Variants in RIMS1 observed in about 807,000 individuals in gnomAD.
RIMS1 encodes the protein regulating synaptic membrane exocytosis protein 1.
A neutral mutation model predicts 214.1 loss-of-function variants in RIMS1; 83 were observed. The ratio of observed to expected loss-of-function variants is 0.39; its 90% CI spans 0.32 to 0.47. The LOEUF (loss-of-function observed/expected upper bound fraction) is 0.47, where lower values mean the gene tolerates loss of function less well. Among genes scored for constraint, RIMS1 ranks in the 20% least tolerant of loss-of-function variants. RIMS1 has a pLI of 0.99. For missense variants in RIMS1, 2,050 were observed against 2,161.8 expected, an observed-to-expected ratio of 0.95 and a Z score of 1.03; for synonymous variants, 793 against 786.8, an observed-to-expected ratio of 1.01 and a Z score of -0.13.
At chr6:72,251,436 T>C (rs1377735107) in intron 15 of RIMS1, 68 bp downstream of exon 15, 1 of 1,219,690 alleles carries the variant, frequency 8.2e-7, no homozygotes, top group Non-Finnish European at 1.1e-6. Flanking sequence ...TGATTAATAA[T>C]TCAAGATGTT....
rs9442761 is a variant in RIMS1 at position 72,259,185 on chromosome 6, A to T, written c.3053+74A>T. On this transcript the variant is annotated intron_variant, in intron 18 of 33. Transcript: ENST00000521978. ...TTAATATATACAGATATTGTGGCAT[A>T]GCACATTAGAGAGTAAAAGTATTTA... 4.1e-3 allele frequency: 5,014 copies of T among 1,229,612 alleles called. 182 individuals are homozygous for T. In the African/African-American group the frequency reaches 0.068, roughly 17 times the overall value. The allele number at this position is 1,229,612 out of a possible 1,614,324, so 76.2% of individuals were successfully genotyped here. A position where few individuals can be genotyped will look rare whatever the true frequency, so the allele number is the denominator to read the frequency against.
At chr6:72,028,276 TAAG>T (rs1286555908) in intron 2 of RIMS1, among the ~76,000 whole-genome samples, 1 of 152,194 alleles carries the variant, frequency 6.6e-6, no homozygotes, top group Non-Finnish European at 1.5e-5. Flanking sequence ...GAATATCTCA[TAAG>T]AAATAAATAT....
At chr6:72,142,523 G>A (rs1378945058) in intron 4 of RIMS1, among the ~76,000 whole-genome samples, 1 of 151,984 alleles carries the variant, frequency 6.6e-6, no homozygotes, top group Non-Finnish European at 1.5e-5. Context: ...ATCTATCAGA[G>A]CTACCCCAGA....
chr6:72,174,540 G>T (rs2047455055), intron 4 of RIMS1, among the ~76,000 whole-genome samples: 1 of 151,954 alleles, frequency 6.6e-6, no homozygotes, highest in Non-Finnish European at 1.5e-5. Flanking sequence ...CCATAAATAT[G>T]AAAAAAAGTT....
At position 72,200,624 on chromosome 6, in the gene RIMS1, T is replaced by C. The variant is rs553787832; in HGVS notation, c.1678+17475T>C. 1.4e-4 allele frequency among the ~76,000 whole-genome samples: 22 copies of C among 152,296 alleles called. 3 individuals are homozygous for C. Among genetic ancestry groups the C allele is most frequent in the Admixed American group, 1.2e-3 (19 of 15,298 alleles). On this transcript the variant is annotated intron_variant, in intron 6 of 33. Coordinates refer to ENST00000521978, the MANE Select transcript of RIMS1 (RefSeq NM_014989.7). ...GTCTTATGAAGGATAGAGATGAGAATAGGCATAAAACAGAAGAGAGACTAC... is the reference window on the plus strand; with the variant it reads ...GTCTTATGAAGGATAGAGATGAGAACAGGCATAAAACAGAAGAGAGACTAC...
intron 1 of RIMS1, among the ~76,000 whole-genome samples, chr6:71,941,370 C>T (rs1446808969): frequency 6.6e-6 from 1 of 152,170 alleles, no homozygotes; most frequent in Non-Finnish European, 1.5e-5. Flanking sequence ...AAGTGGCAAT[C>T]ATAATTGGAA....
chr6:71,925,616 A>G (rs1277870371), intron 1 of RIMS1, among the ~76,000 whole-genome samples: 1 of 152,226 alleles, frequency 6.6e-6, no homozygotes, highest in Non-Finnish European at 1.5e-5. Context: ...ATTTCTAACC[A>G]CCATGTTGGT....
intron 6 of RIMS1, among the ~76,000 whole-genome samples, chr6:72,223,763 C>T (rs561098321): frequency 1.3e-5 from 2 of 151,668 alleles, no homozygotes; most frequent in African/African-American, 4.8e-5. Context: ...CTGGCTAACA[C>T]GGTGAAACTC....
At chr6:72,217,324 T>A in intron 6 of RIMS1, 1 of 1,270,428 alleles carries the variant, frequency 7.9e-7, no homozygotes, top group South Asian at 1.4e-5. Flanking sequence ...AGTAAGATAC[T>A]AAAATGTTTC....
In RIMS1 at chr6:71,931,848, T is replaced by C. The variant is rs935795524; in HGVS notation, c.165-37135T>C. Reference sequence around the variant, plus strand: ...TGCCTATGTCCCGGAATGGTATACATGCAGCCAGCAATTGTATTAAAAAAA... The same window carrying C: ...TGCCTATGTCCCGGAATGGTATACACGCAGCCAGCAATTGTATTAAAAAAA... On this transcript the variant is annotated intron_variant, in intron 1 of 33. Coordinates refer to ENST00000521978, the MANE Select transcript of RIMS1 (RefSeq NM_014989.7). Among the ~76,000 whole-genome samples, 48 of 152,096 alleles carry C rather than the reference T, an allele frequency of 3.2e-4. No homozygotes were observed. In the East Asian group the frequency reaches 4.8e-3, roughly 15 times the overall value.
intron 1 of RIMS1, 54 bp from the exon 2 acceptor site, chr6:71,968,929 G>T (rs1795132773): frequency 1.3e-6 from 2 of 1,491,946 alleles, no homozygotes; most frequent in East Asian, 4.5e-5. Flanking sequence ...TTCTAGATGT[G>T]TTCTACCCTT....
chr6:72,260,873 A>C (rs1417768640), intron 19 of RIMS1, 106 bp downstream of exon 19: 1 of 1,540,042 alleles, frequency 6.5e-7, no homozygotes, highest in Non-Finnish European at 8.8e-7. Context: ...AAGTCAAATA[A>C]ATTTCCCAAG....
intron 1 of RIMS1, among the ~76,000 whole-genome samples, chr6:71,966,176 A>G (rs1794390613): frequency 6.6e-6 from 1 of 152,218 alleles, no homozygotes; most frequent in Non-Finnish European, 1.5e-5. Context: ...ACCTGAAACA[A>G]TTAGTTTCCT....
chr6:72,029,270 TAA>T (rs1348120389), intron 2 of RIMS1, among the ~76,000 whole-genome samples: 2 of 152,232 alleles, frequency 1.3e-5, no homozygotes, highest in Non-Finnish European at 2.9e-5. Flanking sequence ...GTGATTTTTA[TAA>T]GTTAGATAAG....
intron 2 of RIMS1, among the ~76,000 whole-genome samples, chr6:72,038,245 C>A (rs1585403626): frequency 6.9e-6 from 1 of 144,026 alleles, no homozygotes; most frequent in Admixed American, 7.0e-5. Context: ...TATGAAAAAC[C>A]CAGATATATT....
chr6:72,122,065 T>C lies in RIMS1; in HGVS notation c.471+22079T>C, dbSNP rs185614927. 7.9e-3 allele frequency among the ~76,000 whole-genome samples: 1,201 copies of C among 152,016 alleles called. 14 individuals are homozygous for C. The highest frequency in any genetic ancestry group is 0.026 in the African/African-American group (1,101 of 41,548). ...CTGGATTTGGTTTGCCAGTATTTTA[T>C]TGAGGAATTTTCTTATAGATGTTCA... On this transcript the variant is annotated intron_variant, in intron 4 of 33. Transcript: ENST00000521978.
In RIMS1 at chr6:72,083,997, C is replaced by G. The variant is rs542103409; in HGVS notation, c.246-12952C>G. ...CCCTCTTTATAGTAACATAACAAAGCAATTTGGTGAAGATAGTCAACAACA... is the reference window on the plus strand; with the variant it reads ...CCCTCTTTATAGTAACATAACAAAGGAATTTGGTGAAGATAGTCAACAACA... On this transcript the variant is annotated intron_variant, in intron 2 of 33. Transcript: ENST00000521978. 1.1e-4 allele frequency among the ~76,000 whole-genome samples: 17 copies of G among 152,182 alleles called. 1 individual carries two copies. In the South Asian group the frequency reaches 2.3e-3, roughly 20 times the overall value.
At chr6:72,115,491 C>A (rs541358200) in intron 4 of RIMS1, among the ~76,000 whole-genome samples, 1 of 151,792 alleles carries the variant, frequency 6.6e-6, no homozygotes, top group Non-Finnish European at 1.5e-5. Flanking sequence ...AATTTCTTCC[C>A]GCTTAGACTT....
intron 6 of RIMS1, among the ~76,000 whole-genome samples, chr6:72,212,344 A>T (rs2053968164): frequency 6.6e-6 from 1 of 151,148 alleles, no homozygotes; most frequent in African/African-American, 2.4e-5. Flanking sequence ...ATATATTCAC[A>T]TATATATGTA....
Sources: gnomAD v4.1 joint callset for allele counts (sites outside exome capture counted in the v4.1 genomes callset) on GRCh38, gnomAD v4.1.1 for gene constraint, MANE v1.5 for transcripts, NCBI Gene and HGNC (gene_info 2026-07-23, HGNC 2026-07-21) for gene names.